Variants in GYS2 observed in about 807,000 individuals in gnomAD.
GYS2 encodes glycogen [starch] synthase, liver.
GYS2 carries 80 observed loss-of-function variants against 85.6 expected under a neutral mutation model. The observed-to-expected ratio is 0.93, with a 90% CI of 0.78 to 1.13. GYS2 has a LOEUF of 1.13. GYS2 is among the 50% of genes most tolerant of loss of function. The pLI is 0.00. For synonymous variants in GYS2, 328 were observed against 300.7 expected (o/e 1.09, Z -0.94); for missense variants, 881 against 854.9 (o/e 1.03, Z -0.38).
intron 1 of GYS2, among the ~76,000 whole-genome samples, chr12:21,585,152 C>T (rs1944558436): frequency 1.3e-5 from 2 of 152,132 alleles, no homozygotes; most frequent in Admixed American, 6.5e-5. Context: ...TCACCATCAC[C>T]CCTAGTGTTC....
intron 11 of GYS2, among the ~76,000 whole-genome samples, chr12:21,554,357 G>A (rs1944151703): frequency 6.6e-6 from 1 of 152,032 alleles, no homozygotes; most frequent in Non-Finnish European, 1.5e-5. Context: ...CTCCTCATGG[G>A]TATATTGACC....
intron 14 of GYS2, 147 bp downstream of exon 14, chr12:21,540,263 T>C: frequency 2.6e-6 from 2 of 778,772 alleles, no homozygotes; most frequent in East Asian, 4.9e-5. Context: ...TTTGTAAACT[T>C]ATTAAATTTT....
chr12:21,587,033 T>C (rs1234075639), intron 1 of GYS2, among the ~76,000 whole-genome samples: 1 of 152,184 alleles, frequency 6.6e-6, no homozygotes, highest in Non-Finnish European at 1.5e-5. Flanking sequence ...TCTAGAAACA[T>C]GGTTAGAACT....
At chr12:21,569,238 C>T (rs921718825) in intron 4 of GYS2, among the ~76,000 whole-genome samples, 4 of 152,158 alleles carry the variant, frequency 2.6e-5, no homozygotes, top group African/African-American at 9.7e-5. Flanking sequence ...CAGTTTAACT[C>T]CCTAAGTAAA....
chr12:21,565,392 TATA>T (rs1944306185), intron 5 of GYS2, among the ~76,000 whole-genome samples: 1 of 9,732 alleles, frequency 1.0e-4, no homozygotes, highest in Non-Finnish European at 4.1e-4. Context: ...ATCCATGAAA[TATA>T]TATATATATA....
At chr12:21,600,942 G>C (rs568165812) in intron 1 of GYS2, among the ~76,000 whole-genome samples, 8 of 152,048 alleles carry the variant, frequency 5.3e-5, no homozygotes, top group Admixed American at 4.6e-4. Flanking sequence ...CCAGCAATAC[G>C]TTGGCTTAGG....
chr12:21,541,284 A>AC (rs548657019), intron 13 of GYS2, among the ~76,000 whole-genome samples: 2,929 of 145,338 alleles, frequency 0.02, 119 homozygotes, highest in African/African-American at 0.066. Context: ...AAAAAAAAAA[A>AC]AAAAAAACAA....
intron 5 of GYS2, among the ~76,000 whole-genome samples, chr12:21,566,736 T>A (rs1183322756): frequency 6.6e-6 from 1 of 152,174 alleles, no homozygotes; most frequent in Non-Finnish European, 1.5e-5. Flanking sequence ...ATTATGCAGA[T>A]AAGACACAGA....
In GYS2 at chr12:21,580,541, G is replaced by T; in HGVS notation, c.122-18C>A. On this transcript the variant is annotated intron_variant, in intron 1 of 15. Transcript: ENST00000261195. ...GCCTCCAACTGTTAAAAGGAAAAAA[G>T]TTTCTATTATCATTCAGGTTAGCAA... is the stretch of plus-strand genomic sequence containing the variant. 2.5e-6 allele frequency: 4 copies of T among 1,596,866 alleles called. No individual in the cohort carries two copies. Among genetic ancestry groups the T allele is most frequent in the Non-Finnish European group, 2.6e-6 (3 of 1,166,014 alleles).
intron 2 of GYS2, among the ~76,000 whole-genome samples, chr12:21,577,844 T>C (rs963819279): frequency 1.6e-4 from 25 of 152,210 alleles, no homozygotes; most frequent in Non-Finnish European, 2.9e-4. Flanking sequence ...TTTATTTACA[T>C]ATAAAACACC....
chr12:21,571,737 C>T (rs1261946900), intron 4 of GYS2, among the ~76,000 whole-genome samples: 2 of 151,900 alleles, frequency 1.3e-5, no homozygotes, highest in African/African-American at 2.4e-5. Flanking sequence ...CTGAGGCGGG[C>T]GGATGACGAG....
At chr12:21,565,895 A>C (rs1944315100) in intron 5 of GYS2, among the ~76,000 whole-genome samples, 1 of 152,096 alleles carries the variant, frequency 6.6e-6, no homozygotes, top group Non-Finnish European at 1.5e-5. Flanking sequence ...GCTAGAGTTC[A>C]TAGTAAGGTA....
chr12:21,556,778 A>G (rs1010362641), intron 11 of GYS2, among the ~76,000 whole-genome samples: 6 of 152,234 alleles, frequency 3.9e-5, no homozygotes, highest in Non-Finnish European at 8.8e-5. Flanking sequence ...TCTTACTCCC[A>G]GTATCCATCA....
intron 1 of GYS2, among the ~76,000 whole-genome samples, chr12:21,602,049 T>C (rs1944761505): frequency 6.6e-6 from 1 of 152,122 alleles, no homozygotes; most frequent in Non-Finnish European, 1.5e-5. Context: ...TTTGTTTTCT[T>C]GGATGTGAAT....
chr12:21,537,649 T>C (rs115365919), intron 15 of GYS2, among the ~76,000 whole-genome samples: 144 of 152,304 alleles, frequency 9.5e-4, no homozygotes, highest in Admixed American at 1.4e-3. Context: ...TGGATGTGGA[T>C]AGCCTGGAAA....
chr12:21,571,025 G>A (rs1162980355), intron 4 of GYS2, among the ~76,000 whole-genome samples: 1 of 152,196 alleles, frequency 6.6e-6, no homozygotes, highest in African/African-American at 2.4e-5. Context: ...TATTATTGTT[G>A]TAGAGAATCA....
intron 9 of GYS2, 136 bp downstream of exon 9, chr12:21,559,515 C>A: frequency 1.5e-6 from 1 of 673,814 alleles, no homozygotes; most frequent in Non-Finnish European, 2.7e-6. Flanking sequence ...ATACTGTTCA[C>A]ATGACATAAC....
At chr12:21,550,928 C>T (rs926615413) in intron 11 of GYS2, among the ~76,000 whole-genome samples, 1 of 151,870 alleles carries the variant, frequency 6.6e-6, no homozygotes, top group South Asian at 2.1e-4. Flanking sequence ...GGCGACAGAG[C>T]GAGACTCCAT....
chr12:21,589,750 G>A (rs569916487), intron 1 of GYS2, among the ~76,000 whole-genome samples: 1 of 152,260 alleles, frequency 6.6e-6, no homozygotes, highest in Admixed American at 6.5e-5. Context: ...TGCAGGCCTT[G>A]AGACTATCAT....
Sources: allele counts gnomAD v4.1 joint callset (sites outside exome capture counted in the v4.1 genomes callset), GRCh38; gene constraint gnomAD v4.1.1; transcripts MANE v1.5; gene names NCBI Gene and HGNC (gene_info 2026-07-23, HGNC 2026-07-21).